The following DIP2C variants were observed in gnomAD, a reference collection of about 807,000 sequenced individuals.
DIP2C encodes disco-interacting protein 2 homolog C.
Under a neutral mutation model 192.4 loss-of-function variants are expected in DIP2C, and 33 were observed. The ratio of observed to expected loss-of-function variants is 0.17; its 90% CI spans 0.13 to 0.23. The LOEUF (loss-of-function observed/expected upper bound fraction) is 0.23, where lower values mean the gene tolerates loss of function less well. Among genes scored for constraint, DIP2C ranks in the 10% least tolerant of loss-of-function variants. The pLI is 1.00. For missense variants in DIP2C, 1,537 were observed against 2,110.1 expected (o/e 0.73, Z 5.32); for synonymous variants, 979 against 864.1 (o/e 1.13, Z -2.33).
At chr10:401,379 T>G (rs1964429825) in intron 9 of DIP2C, among the ~76,000 whole-genome samples, 1 of 151,826 alleles carries the variant, frequency 6.6e-6, no homozygotes, top group Non-Finnish European at 1.5e-5. Flanking sequence ...CTCTTCCTTA[T>G]GGACAAGTTT....
Position 328,561 on chromosome 10 carries a change from A to G in DIP2C, c.3753+872T>C, listed in dbSNP as rs1957369180. ...AAATGTACTCACTTTCTAATACAAT[A>G]TAGATGAACATGAATAGTGCTAACT... On this transcript the variant is annotated intron_variant, in intron 30 of 36. Coordinates refer to ENST00000280886, the MANE Select transcript of DIP2C (RefSeq NM_014974.3). 2.0e-5 allele frequency among the ~76,000 whole-genome samples: 3 copies of G among 151,360 alleles called. No individual in the cohort carries two copies. In the South Asian group the frequency reaches 6.3e-4, roughly 32 times the overall value.
At chr10:549,620 G>A (rs187902063) in intron 1 of DIP2C, among the ~76,000 whole-genome samples, 10 of 152,216 alleles carry the variant, frequency 6.6e-5, no homozygotes, top group African/African-American at 2.2e-4. Flanking sequence ...CAGAGGGGAG[G>A]GGTGCCCCCG....
intron 17 of DIP2C, among the ~76,000 whole-genome samples, chr10:374,790 G>A (rs988317242): frequency 3.3e-5 from 5 of 152,222 alleles, no homozygotes; most frequent in African/African-American, 7.2e-5. Context: ...GTGAGGAAGG[G>A]AAGAAACAGT....
At chr10:299,209 A>G (rs1368772235) in intron 32 of DIP2C, among the ~76,000 whole-genome samples, 16 of 152,252 alleles carry the variant, frequency 1.1e-4, no homozygotes, top group Non-Finnish European at 2.9e-5. Context: ...GTAAGTGTGG[A>G]TTTCCTGAGA....
chr10:441,939 T>C (rs1967772223), intron 3 of DIP2C, among the ~76,000 whole-genome samples: 1 of 151,848 alleles, frequency 6.6e-6, no homozygotes, highest in African/African-American at 2.4e-5. Context: ...ACAAGACAGG[T>C]GACAGACGGG....
chr10:335,508 T>C (rs1039533825), intron 29 of DIP2C, among the ~76,000 whole-genome samples: 1 of 152,228 alleles, frequency 6.6e-6, no homozygotes, highest in Non-Finnish European at 1.5e-5. Context: ...GGCTCTCAGC[T>C]TCCCGCTGCC....
intron 29 of DIP2C, among the ~76,000 whole-genome samples, chr10:338,517 G>A (rs979347569): frequency 2.0e-5 from 3 of 151,248 alleles, no homozygotes; most frequent in Non-Finnish European, 4.4e-5. Flanking sequence ...TTACCATCAC[G>A]TTACCGCTGC....
chr10:435,351 C>T (rs1589790459), intron 4 of DIP2C, among the ~76,000 whole-genome samples: 1 of 152,276 alleles, frequency 6.6e-6, no homozygotes, highest in East Asian at 1.9e-4. Flanking sequence ...ATTCTCCGTC[C>T]CCTGTAGTAA....
intron 1 of DIP2C, among the ~76,000 whole-genome samples, chr10:607,611 T>C (rs533493725): frequency 3.3e-5 from 5 of 152,296 alleles, no homozygotes; most frequent in East Asian, 3.9e-4. Context: ...TTTGACATAA[T>C]AGTTTCGACT....
At chr10:502,540 C>G (rs1056988738) in intron 1 of DIP2C, among the ~76,000 whole-genome samples, 1 of 151,950 alleles carries the variant, frequency 6.6e-6, no homozygotes, top group African/African-American at 2.4e-5. Flanking sequence ...ATCAAAGAAA[C>G]TGAAAACAGA....
intron 31 of DIP2C, among the ~76,000 whole-genome samples, chr10:323,696 T>A (rs1957132059): frequency 6.6e-6 from 1 of 152,234 alleles, no homozygotes; most frequent in Non-Finnish European, 1.5e-5. Context: ...TAAGCTAAAG[T>A]GTATTTTCTG....
chr10:493,997 G>T (rs747631999), intron 1 of DIP2C, among the ~76,000 whole-genome samples: 1 of 152,312 alleles, frequency 6.6e-6, no homozygotes, highest in Admixed American at 6.5e-5. Flanking sequence ...CCTGCTGAAG[G>T]GGGAGGAGGA....
intron 32 of DIP2C, among the ~76,000 whole-genome samples, chr10:296,543 T>C (rs1330736130): frequency 6.6e-6 from 1 of 152,110 alleles, no homozygotes; most frequent in African/African-American, 2.4e-5. Flanking sequence ...ACTGGGTATA[T>C]ACCCAAAGGA....
At chr10:621,468 C>A (rs1481830819) in intron 1 of DIP2C, among the ~76,000 whole-genome samples, 1 of 151,880 alleles carries the variant, frequency 6.6e-6, no homozygotes, top group Non-Finnish European at 1.5e-5. Flanking sequence ...TCTGTATGCG[C>A]TCACGAGTCT....
intron 1 of DIP2C, among the ~76,000 whole-genome samples, chr10:678,692 ACACCCG>A (rs1564335176): frequency 0.013 from 72 of 5,620 alleles, no homozygotes; most frequent in African/African-American, 0.018. Context: ...CATGCTCCCC[ACACCCG>A]TTCTCCCCAC....
At chr10:504,320 C>T (rs182914313) in intron 1 of DIP2C, among the ~76,000 whole-genome samples, 4 of 152,384 alleles carry the variant, frequency 2.6e-5, no homozygotes, top group Non-Finnish European at 5.9e-5. Context: ...CTCCCACCCC[C>T]GAGACGGCAA....
At chr10:484,018 C>G (rs770652198) in intron 2 of DIP2C, among the ~76,000 whole-genome samples, 4 of 152,174 alleles carry the variant, frequency 2.6e-5, no homozygotes, top group Non-Finnish European at 4.4e-5. Flanking sequence ...CTTTGTTGCC[C>G]AGGCTGGTCT....
At chr10:569,007 G>T (rs1043757361) in intron 1 of DIP2C, among the ~76,000 whole-genome samples, 8 of 152,140 alleles carry the variant, frequency 5.3e-5, no homozygotes, top group African/African-American at 1.9e-4. Flanking sequence ...CAGCATGAGG[G>T]CAGCGGCTTC....
intron 1 of DIP2C, among the ~76,000 whole-genome samples, chr10:498,395 A>G (rs1845002202): frequency 6.6e-6 from 1 of 152,138 alleles, no homozygotes. Context: ...TCCACACCTG[A>G]GTGAACTAAT....
Sources: gnomAD v4.1 joint callset for allele counts (sites outside exome capture counted in the v4.1 genomes callset) on GRCh38, gnomAD v4.1.1 for gene constraint, MANE v1.5 for transcripts, NCBI Gene and HGNC (gene_info 2026-07-23, HGNC 2026-07-21) for gene names.